NDUFAF6: variants seen among roughly 807,000 people sequenced by gnomAD.
NDUFAF6 encodes NADH dehydrogenase (ubiquinone) complex I, assembly factor 6.
In NDUFAF6, 45 loss-of-function variants were observed where a neutral mutation model predicts 40.8. The ratio of observed to expected loss-of-function variants is 1.10; its 90% CI spans 0.87 to 1.42. The LOEUF (loss-of-function observed/expected upper bound fraction) is 1.42. Among genes scored for constraint, NDUFAF6 ranks in the 40% most tolerant of loss-of-function variants. The pLI is 0.00. For missense variants in NDUFAF6, 435 were observed against 418.5 expected (o/e 1.04, Z -0.34); for synonymous variants, 185 against 155.9 (o/e 1.19, Z -1.39).
upstream of NDUFAF6, among the ~76,000 whole-genome samples, chr8:95,097,130 A>C (rs1433073778): frequency 6.6e-6 from 1 of 152,226 alleles, no homozygotes; most frequent in Non-Finnish European, 1.5e-5. Flanking sequence ...TACATTATGA[A>C]CTTAGAGAGA....
rs188045896 is a variant in NDUFAF6 at position 95,113,835 on chromosome 8, G to A, written n.345-1701G>A. On this transcript the variant is annotated intron_variant and non_coding_transcript_variant, in intron 4 of 5. Coordinates refer to the NDUFAF6 transcript ENST00000523184. ...CACTCCAGCCTAGGGGACAGAGAGAGACTCCGTCTCAAAATTTGTAGGGAC... is the reference window on the plus strand; with the variant it reads ...CACTCCAGCCTAGGGGACAGAGAGAAACTCCGTCTCAAAATTTGTAGGGAC... 6.9e-3 allele frequency among the ~76,000 whole-genome samples: 1,055 copies of A among 152,252 alleles called. 6 individuals are homozygous for A. Among genetic ancestry groups the A allele is most frequent in the Non-Finnish European group, 0.011 (719 of 68,012 alleles).
downstream of NDUFAF6, chr8:95,078,660 A>ATATATATATATATATATAT (rs542717810): frequency 3.1e-3 from 181 of 58,472 alleles, no homozygotes; most frequent in African/African-American, 9.2e-3. Flanking sequence ...AAAAAAAAAA[A>ATATATATATATATATATAT]AAATATATAT....
chr8:94,983,256 C>CTTTTTTTTTT (rs1173077785), intron 2 of NDUFAF6, among the ~76,000 whole-genome samples: 2 of 83,184 alleles, frequency 2.4e-5, no homozygotes, highest in South Asian at 3.7e-4. Context: ...CTTTGCTATT[C>CTTTTTTTTTT]TTTTTTTTTT....
intron 2 of NDUFAF6, chr8:95,033,962 A>G (rs1451216460): frequency 2.2e-6 from 1 of 456,572 alleles, no homozygotes; most frequent in Non-Finnish European, 4.4e-6. Context: ...CAGCCACTGG[A>G]GGGTTCTGAG....
rs147589602 is a variant in NDUFAF6, at chr8:94,994,872, G to A, written c.-84+13899G>A. 4.0e-3 allele frequency among the ~76,000 whole-genome samples: 615 copies of A among 152,238 alleles called. 4 individuals are homozygous for A. The highest frequency in any genetic ancestry group is 0.014 in the African/African-American group (595 of 41,532). On this transcript the variant is annotated intron_variant, in intron 2 of 9. Transcript: ENST00000396111. ...CAAACAAGACAAGACAAAAACACAC[G>A]ATGGACCCTTATTCTGTGTAAAACG...
chr8:94,960,250 C>A (rs1322756459), intron 1 of NDUFAF6, among the ~76,000 whole-genome samples: 1 of 152,208 alleles, frequency 6.6e-6, no homozygotes, highest in African/African-American at 2.4e-5. Context: ...TTGGTGCTTT[C>A]ACATAGCTGC....
At chr8:94,923,710 C>T (rs1348308902) in intron 1 of NDUFAF6, among the ~76,000 whole-genome samples, 48 of 149,064 alleles carry the variant, frequency 3.2e-4, no homozygotes, top group African/African-American at 6.2e-4. Flanking sequence ...GACAGAGTCT[C>T]GCTCTGTCGC....
intron 2 of NDUFAF6, among the ~76,000 whole-genome samples, chr8:94,947,140 G>A (rs899255135): frequency 3.3e-5 from 5 of 152,086 alleles, no homozygotes; most frequent in African/African-American, 1.2e-4. Context: ...GTCAGCATTA[G>A]GGCAAAAATC....
At chr8:94,945,837 G>A (rs1052674884) in intron 2 of NDUFAF6, among the ~76,000 whole-genome samples, 10 of 152,196 alleles carry the variant, frequency 6.6e-5, no homozygotes, top group African/African-American at 2.4e-4. Context: ...TTTAACCAGC[G>A]TCAGTCCAGC....
chr8:94,916,471 T>A (rs976180509), intron 1 of NDUFAF6, among the ~76,000 whole-genome samples: 5 of 152,338 alleles, frequency 3.3e-5, no homozygotes, highest in Middle Eastern at 3.4e-3. Flanking sequence ...AGTATTTACA[T>A]TTAAAGGAAT....
At chr8:94,958,885 A>G (rs913158126) in intron 1 of NDUFAF6, among the ~76,000 whole-genome samples, 15 of 152,222 alleles carry the variant, frequency 9.9e-5, no homozygotes, top group Non-Finnish European at 1.8e-4. Context: ...AATTCAGCCC[A>G]TAACACTAAG....
At chr8:95,015,532 A>C (rs962900476) in intron 2 of NDUFAF6, among the ~76,000 whole-genome samples, 1 of 152,224 alleles carries the variant, frequency 6.6e-6, no homozygotes, top group Admixed American at 6.5e-5. Context: ...GGACAAGCAG[A>C]TAATTCACCT....
chr8:95,096,731 A>G (rs540600975), upstream of NDUFAF6, among the ~76,000 whole-genome samples: 1 of 152,184 alleles, frequency 6.6e-6, no homozygotes. Flanking sequence ...TCGTATCACC[A>G]TGTTTTCACC....
upstream of NDUFAF6, among the ~76,000 whole-genome samples, chr8:94,953,534 A>G (rs575114463): frequency 6.6e-6 from 1 of 152,342 alleles, no homozygotes; most frequent in Admixed American, 6.5e-5. Context: ...GTCAGAGATT[A>G]GTTGAAGTGT....
upstream of NDUFAF6, among the ~76,000 whole-genome samples, chr8:94,954,549 G>C (rs183033166): frequency 1.3e-5 from 2 of 152,330 alleles, no homozygotes; most frequent in East Asian, 3.9e-4. Context: ...GAGAGAAGTT[G>C]GTGGGGAGGT....
At chr8:94,930,935 T>C (rs893636991) in intron 1 of NDUFAF6, among the ~76,000 whole-genome samples, 3 of 152,236 alleles carry the variant, frequency 2.0e-5, no homozygotes, top group African/African-American at 7.2e-5. Flanking sequence ...ACTAGAAAGA[T>C]GCCATATAAG....
At chr8:95,006,530 TAC>T (rs1826993580) in intron 2 of NDUFAF6, among the ~76,000 whole-genome samples, 1 of 152,138 alleles carries the variant, frequency 6.6e-6, no homozygotes, top group Non-Finnish European at 1.5e-5. Context: ...TTTACAGCTT[TAC>T]AGACATGCTA....
upstream of NDUFAF6, among the ~76,000 whole-genome samples, chr8:94,956,707 T>C (rs1156568462): frequency 6.6e-6 from 1 of 151,892 alleles, no homozygotes; most frequent in Non-Finnish European, 1.5e-5. Flanking sequence ...GAGGGTGGGG[T>C]TAGGACCAGG....
intron 2 of NDUFAF6, among the ~76,000 whole-genome samples, chr8:94,994,953 A>G (rs1331088174): frequency 6.6e-6 from 1 of 152,212 alleles, no homozygotes; most frequent in African/African-American, 2.4e-5. Flanking sequence ...AAAAAGTAGT[A>G]CTATCATATG....
Sources: allele counts gnomAD v4.1 joint callset (sites outside exome capture counted in the v4.1 genomes callset), GRCh38; gene constraint gnomAD v4.1.1; transcripts MANE v1.5; gene names NCBI Gene and HGNC (gene_info 2026-07-23, HGNC 2026-07-21).